Variants in GABPB2 observed in about 807,000 individuals in gnomAD.
GABPB2 encodes GA-binding protein subunit beta-2.
Under a neutral mutation model 39.1 loss-of-function variants are expected in GABPB2, and 23 were observed. That is an observed-to-expected ratio of 0.59 (90% CI 0.42 to 0.83). GABPB2 has a LOEUF of 0.83. Among genes scored for constraint, GABPB2 ranks in the 40% least tolerant of loss-of-function variants. GABPB2 has a pLI of 0.00. For synonymous variants in GABPB2, 184 were observed against 199.3 expected, an observed-to-expected ratio of 0.92 and a Z score of 0.65; for missense variants, 467 against 541.1, an observed-to-expected ratio of 0.86 and a Z score of 1.36.
intron 1 of GABPB2, among the ~76,000 whole-genome samples, chr1:151,074,400 T>TC (rs1189699260): frequency 3.3e-5 from 5 of 151,024 alleles, no homozygotes; most frequent in African/African-American, 1.2e-4. Context: ...AAGCTCCACT[T>TC]CCTGGGTTCA....
At chr1:151,076,207 G>C (rs1002790232) in intron 1 of GABPB2, among the ~76,000 whole-genome samples, 4 of 152,132 alleles carry the variant, frequency 2.6e-5, no homozygotes, top group Non-Finnish European at 4.4e-5. Context: ...AAATAAGAAG[G>C]TTTTCCATGA....
chr1:151,072,195 T>C (rs1273859015), intron 1 of GABPB2, among the ~76,000 whole-genome samples: 2 of 152,222 alleles, frequency 1.3e-5, no homozygotes, highest in Non-Finnish European at 2.9e-5. Context: ...TCTTGGATAA[T>C]AGAGTACTTT....
At chr1:151,108,098 A>G (rs1024595712) in intron 7 of GABPB2, among the ~76,000 whole-genome samples, 1 of 152,192 alleles carries the variant, frequency 6.6e-6, no homozygotes, top group African/African-American at 2.4e-5. Context: ...ACATTAATGG[A>G]TCCTCTAAAA....
Position 151,118,412 on chromosome 1 carries a change from C to A in GABPB2, c.*156C>A. On this transcript the variant is annotated 3_prime_UTR_variant, in exon 9 of 9. Transcript: ENST00000368918. ...GGGCTCAGGAAGTTTCTCTGTGCAA[C>A]TAGAAAATTCAAAGCCATATTTAGG... is the stretch of plus-strand genomic sequence containing the variant. 1 of 684,164 alleles carries A rather than the reference C, an allele frequency of 1.5e-6. No homozygotes were observed. The highest frequency in any genetic ancestry group is 2.3e-6 in the Non-Finnish European group (1 of 434,504). 42.4% of individuals were successfully genotyped at this position (684,164 alleles called of 1,614,324 possible). A position where few individuals can be genotyped will look rare whatever the true frequency, so the allele number is the denominator to read the frequency against.
At chr1:151,086,210 C>T (rs1678177909) in intron 1 of GABPB2, among the ~76,000 whole-genome samples, 1 of 151,908 alleles carries the variant, frequency 6.6e-6, no homozygotes, top group Admixed American at 6.6e-5. Context: ...GTGCCCACTG[C>T]ACTCCAGCCT....
rs1681236231 is a variant in GABPB2, at chr1:151,122,999, G to A, written c.*4743G>A. ...GAATGGCAGGTGAGGATGCTTTGAA[G>A]TAGTTAGAAATTAAATATTGAATAC... On this transcript the variant is annotated 3_prime_UTR_variant, in exon 9 of 9. Coordinates refer to ENST00000368918, the MANE Select transcript of GABPB2 (RefSeq NM_144618.3). 6.6e-6 allele frequency: 1 copy of A among 152,102 alleles called. No homozygotes were observed. Among genetic ancestry groups the A allele is most frequent in the African/African-American group, 2.4e-5 (1 of 41,412 alleles). The allele number at this position is 152,102 out of a possible 1,614,324, so 9.4% of individuals were successfully genotyped here.
At position 151,079,666 on chromosome 1, in the gene GABPB2, C is replaced by T. The variant is rs148940807; in HGVS notation, c.1-8524C>T. Among the ~76,000 whole-genome samples, 53 of 150,672 alleles carry T rather than the reference C, an allele frequency of 3.5e-4. 1 individual carries two copies. The highest frequency in any genetic ancestry group is 1.2e-3 in the African/African-American group (51 of 41,016). On this transcript the variant is annotated intron_variant, in intron 1 of 8. Transcript: ENST00000368918. ...CCTGTATCCCAGCACTTTGGGAGGC[C>T]GAGGCAGCGAATCACCTGAGGTCAG...
chr1:151,078,081 A>G (rs1255718769), intron 1 of GABPB2, among the ~76,000 whole-genome samples: 1 of 149,440 alleles, frequency 6.7e-6, no homozygotes, highest in African/African-American at 2.5e-5. Context: ...GCCTCGCCTG[A>G]CCAACATGGT....
intron 7 of GABPB2, among the ~76,000 whole-genome samples, chr1:151,113,469 CAAAAA>C (rs959062545): frequency 1.6e-5 from 1 of 63,270 alleles, no homozygotes. Flanking sequence ...ACTCCAACTG[CAAAAA>C]AAAAAAAAAA....
chr1:151,107,317 G>A (rs1680045027), intron 7 of GABPB2, 95 bp downstream of exon 7: 3 of 802,864 alleles, frequency 3.7e-6, no homozygotes, highest in Non-Finnish European at 3.4e-6. Flanking sequence ...TAGTGGAAGT[G>A]GGAGATTGCC....
chr1:151,104,778 T>C (rs76554485), intron 6 of GABPB2, among the ~76,000 whole-genome samples: 23 of 43,134 alleles, frequency 5.3e-4, no homozygotes, highest in African/African-American at 2.4e-3. Context: ...TCTTTCTCTC[T>C]TTCTTTCTTT....
At chr1:151,100,661 T>C (rs941426799) in intron 5 of GABPB2, among the ~76,000 whole-genome samples, 1 of 126,780 alleles carries the variant, frequency 7.9e-6, no homozygotes, top group African/African-American at 2.9e-5. Flanking sequence ...TGATCTTGGC[T>C]CACCGCAAAC....
intron 8 of GABPB2, 107 bp downstream of exon 8, chr1:151,117,623 GC>G: frequency 8.0e-7 from 1 of 1,246,104 alleles, no homozygotes; most frequent in Non-Finnish European, 1.1e-6. Flanking sequence ...TTGCTGTGTT[GC>G]CCAGGCTGGA....
intron 1 of GABPB2, among the ~76,000 whole-genome samples, chr1:151,076,575 A>G (rs587663004): frequency 6.6e-6 from 1 of 150,662 alleles, no homozygotes; most frequent in African/African-American, 2.4e-5. Context: ...GATTACAGGC[A>G]TATGCCACCA....
rs1351500574 is a variant in GABPB2, at chr1:151,093,316, G to C, written c.401G>C (p.Ser134Thr). 1.2e-6 allele frequency: 2 copies of C among 1,611,826 alleles called. No individual in the cohort carries two copies. The highest frequency in any genetic ancestry group is 1.7e-5 in the Admixed American group (1 of 59,534). ...IKYGADVHAF[S>T]KFDKSAFDIA... ...TATGGAGCTGATGTCCATGCTTTCAGCAAATTTGATAAATCAGCCTTTGAC... is the reference window on the plus strand; with the variant it reads ...TATGGAGCTGATGTCCATGCTTTCACCAAATTTGATAAATCAGCCTTTGAC... Residue 134 changes from serine to threonine, a missense_variant, in exon 4 of 9, where the codon AGC becomes ACC. By Grantham distance (58) the Ser-to-Thr change is moderately conservative (BLOSUM62 1). Transcript: ENST00000368918.
At chr1:151,086,629 C>A (rs1678216946) in intron 1 of GABPB2, among the ~76,000 whole-genome samples, 1 of 151,962 alleles carries the variant, frequency 6.6e-6, no homozygotes, top group Admixed American at 6.6e-5. Context: ...GAGCTACTGG[C>A]CTAACGAGAT....
chr1:151,114,910 T>C (rs1295557190), intron 7 of GABPB2, among the ~76,000 whole-genome samples: 1 of 151,872 alleles, frequency 6.6e-6, no homozygotes, highest in Admixed American at 6.6e-5. Context: ...CTCGGGAGGC[T>C]GAGGTAGGAG....
intron 4 of GABPB2, among the ~76,000 whole-genome samples, chr1:151,096,967 A>G (rs1334002766): frequency 6.6e-6 from 1 of 152,074 alleles, no homozygotes; most frequent in African/African-American, 2.4e-5. Context: ...GCTGGAGTAT[A>G]ATGACACCAA....
At position 151,118,337 on chromosome 1, in the gene GABPB2, A is replaced by G; in HGVS notation, c.*81A>G. ...AATATACAGAAGACAAACATTGTAT[A>G]AAAACTAAGAGTGTCTTTAAGAAGA... On this transcript the variant is annotated 3_prime_UTR_variant, in exon 9 of 9. Coordinates refer to ENST00000368918, the MANE Select transcript of GABPB2 (RefSeq NM_144618.3). 7.6e-7 allele frequency: 1 copy of G among 1,322,438 alleles called. No individual in the cohort carries two copies. The highest frequency in any genetic ancestry group is 1.0e-6 in the Non-Finnish European group (1 of 963,694). The allele number at this position is 1,322,438 out of a possible 1,614,324, so 81.9% of individuals were successfully genotyped here.
Sources: allele counts gnomAD v4.1 joint callset (sites outside exome capture counted in the v4.1 genomes callset), GRCh38; gene constraint gnomAD v4.1.1; transcripts MANE v1.5; gene names NCBI Gene and HGNC (gene_info 2026-07-23, HGNC 2026-07-21).